The following CA10 variants were observed in gnomAD, a reference collection of about 807,000 sequenced individuals.
CA10 encodes carbonic anhydrase-related protein 10.
Under a neutral mutation model 44.2 loss-of-function variants are expected in CA10, and 14 were observed. The ratio of observed to expected loss-of-function variants is 0.32; its 90% CI spans 0.21 to 0.50. The LOEUF (loss-of-function observed/expected upper bound fraction) is 0.50. Ranked by LOEUF, CA10 falls within the 20% of genes least tolerant of loss-of-function variation. The probability of loss-of-function intolerance (pLI) is 0.99; values close to 1 mark genes in which losing one functional copy is unlikely to be tolerated. For synonymous variants in CA10, 159 were observed against 141.6 expected (o/e 1.12, Z -0.87); for missense variants, 350 against 409.7 (o/e 0.85, Z 1.26).
chr17:52,050,026 G>T (rs1192894065), intron 2 of CA10, among the ~76,000 whole-genome samples: 1 of 152,064 alleles, frequency 6.6e-6, no homozygotes, highest in East Asian at 1.9e-4. Context: ...GTGTACAGTA[G>T]GCAATGTCAC....
At chr17:52,027,649 G>A (rs1455827797) in intron 2 of CA10, among the ~76,000 whole-genome samples, 3 of 152,122 alleles carry the variant, frequency 2.0e-5, no homozygotes, top group Non-Finnish European at 4.4e-5. Flanking sequence ...CCTTACAGAA[G>A]CCATGTTCAG....
At chr17:52,067,770 C>T (rs937824258) in intron 2 of CA10, among the ~76,000 whole-genome samples, 5 of 152,204 alleles carry the variant, frequency 3.3e-5, no homozygotes, top group African/African-American at 1.2e-4. Flanking sequence ...CATTATGGAC[C>T]TTTAAGATTT....
At chr17:51,698,939 C>T (rs987321836) in intron 4 of CA10, among the ~76,000 whole-genome samples, 3 of 152,146 alleles carry the variant, frequency 2.0e-5, no homozygotes, top group African/African-American at 7.2e-5. Context: ...TTCATCTGTT[C>T]ATGAACATTA....
intron 4 of CA10, among the ~76,000 whole-genome samples, chr17:51,675,319 G>C (rs1295498537): frequency 6.6e-6 from 1 of 152,114 alleles, no homozygotes; most frequent in Non-Finnish European, 1.5e-5. Context: ...TAGCACTTTG[G>C]GAGGCCAAGG....
chr17:51,988,344 A>C (rs1984918924), intron 2 of CA10, among the ~76,000 whole-genome samples: 1 of 152,014 alleles, frequency 6.6e-6, no homozygotes, highest in Non-Finnish European at 1.5e-5. Context: ...AATGAAATGA[A>C]GCAGTCAGTA....
chr17:51,635,423 G>A (rs987231835), intron 7 of CA10, among the ~76,000 whole-genome samples: 3 of 152,010 alleles, frequency 2.0e-5, no homozygotes, highest in Middle Eastern at 3.2e-3. Context: ...TGAGGCACAA[G>A]AATCGCTTGA....
At chr17:51,925,021 G>T (rs9899507) in intron 3 of CA10, among the ~76,000 whole-genome samples, 22,518 of 152,068 alleles carry the variant, frequency 0.15, 1,884 homozygotes, top group South Asian at 0.3. Context: ...GTCTGCTGAT[G>T]GCCAGCTTCT....
intron 2 of CA10, among the ~76,000 whole-genome samples, chr17:52,060,885 C>T (rs904017962): frequency 6.6e-6 from 1 of 152,108 alleles, no homozygotes; most frequent in Non-Finnish European, 1.5e-5. Flanking sequence ...TAGATAGTAA[C>T]TTTATCTAAT....
In CA10 at chr17:51,668,403, A is replaced by G. The variant is rs1230531787; in HGVS notation, c.466-14667T>C. ...CTGCCCACTTCCTTTCTGAACCCAA[A>G]CAATAGCCCTTCTGTGAATTAGGCC... On this transcript the variant is annotated intron_variant, in intron 4 of 8. Transcript: ENST00000451037. Among the ~76,000 whole-genome samples the G allele has an allele frequency of 3.3e-5, 5 of 152,308 alleles. No individual in the cohort carries two copies. In the East Asian group the frequency reaches 7.7e-4, roughly 24 times the overall value.
intron 2 of CA10, among the ~76,000 whole-genome samples, chr17:52,031,846 A>T (rs1162341026): frequency 1.3e-5 from 2 of 152,196 alleles, no homozygotes; most frequent in Non-Finnish European, 2.9e-5. Flanking sequence ...AGTTGATAAA[A>T]ATTAGAAATT....
chr17:51,685,760 A>G (rs1914987902), intron 4 of CA10, among the ~76,000 whole-genome samples: 1 of 152,224 alleles, frequency 6.6e-6, no homozygotes, highest in Non-Finnish European at 1.5e-5. Flanking sequence ...ACAGAGGTGA[A>G]GGTTGAAGAG....
chr17:52,050,681 G>A (rs1228839441), intron 2 of CA10, among the ~76,000 whole-genome samples: 1 of 151,976 alleles, frequency 6.6e-6, no homozygotes, highest in Non-Finnish European at 1.5e-5. Flanking sequence ...GGACTTCCAA[G>A]GTTTGTGCTC....
chr17:51,655,480 A>G (rs777492347), intron 4 of CA10, among the ~76,000 whole-genome samples: 2 of 152,252 alleles, frequency 1.3e-5, no homozygotes, highest in Non-Finnish European at 2.9e-5. Context: ...ATGATCAAAA[A>G]AGATGCTTTT....
intron 3 of CA10, among the ~76,000 whole-genome samples, chr17:51,898,701 CT>C (rs1235300711): frequency 6.6e-6 from 1 of 152,032 alleles, no homozygotes; most frequent in Admixed American, 6.6e-5. Flanking sequence ...GGTTGATAGG[CT>C]TTTTATTATT....
intron 4 of CA10, among the ~76,000 whole-genome samples, chr17:51,746,135 C>A (rs1904679177): frequency 6.6e-6 from 1 of 152,166 alleles, no homozygotes; most frequent in African/African-American, 2.4e-5. Flanking sequence ...TACAGCTCAA[C>A]CCTATTGTTT....
intron 4 of CA10, among the ~76,000 whole-genome samples, chr17:51,663,909 T>C (rs1320031832): frequency 6.6e-6 from 1 of 152,346 alleles, no homozygotes; most frequent in South Asian, 2.1e-4. Context: ...ACCAAGAAGA[T>C]TTTGCCAGTC....
chr17:51,904,621 A>G (rs1273103940), intron 3 of CA10, among the ~76,000 whole-genome samples: 2 of 152,164 alleles, frequency 1.3e-5, no homozygotes, highest in Admixed American at 1.3e-4. Context: ...CAATAAAAAT[A>G]TGCATTTGGA....
At chr17:52,034,935 A>G (rs1480533429) in intron 2 of CA10, among the ~76,000 whole-genome samples, 1 of 152,160 alleles carries the variant, frequency 6.6e-6, no homozygotes, top group African/African-American at 2.4e-5. Flanking sequence ...ATTAACTTTG[A>G]TTACAAGGTA....
intron 1 of CA10, among the ~76,000 whole-genome samples, chr17:52,075,815 C>G (rs1392820070): frequency 1.3e-5 from 2 of 152,068 alleles, no homozygotes; most frequent in African/African-American, 4.8e-5. Flanking sequence ...TTATGTTGAA[C>G]ACTAGAGGAT....
Sources: gnomAD v4.1 joint callset for allele counts (sites outside exome capture counted in the v4.1 genomes callset) on GRCh38, gnomAD v4.1.1 for gene constraint, MANE v1.5 for transcripts, NCBI Gene and HGNC (gene_info 2026-07-23, HGNC 2026-07-21) for gene names.